The following CSNK1G3 variants were observed in gnomAD, a reference collection of about 807,000 sequenced individuals.
CSNK1G3 encodes the protein casein kinase 1 gamma 3, also known as casein kinase I isoform gamma-3.
CSNK1G3 carries 23 observed loss-of-function variants against 64.3 expected under a neutral mutation model. The ratio of observed to expected loss-of-function variants is 0.36; its 90% confidence interval spans 0.26 to 0.51. CSNK1G3 has a LOEUF of 0.51. CSNK1G3 is among the 20% of genes least tolerant of loss of function. The probability of loss-of-function intolerance (pLI) is 0.96; values close to 1 mark genes in which losing one functional copy is unlikely to be tolerated. For synonymous variants in CSNK1G3, 158 were observed against 162.2 expected, an observed-to-expected ratio of 0.97 and a Z score of 0.20; for missense variants, 357 against 510.5, an observed-to-expected ratio of 0.70 and a Z score of 2.90.
chr5:123,579,292 T>G (rs1361592579), intron 6 of CSNK1G3, among the ~76,000 whole-genome samples: 1 of 232 alleles, frequency 4.3e-3, no homozygotes, highest in Non-Finnish European at 6.9e-3. Flanking sequence ...AAATTTGCTG[T>G]TTTTTTTTTT....
intron 1 of CSNK1G3, among the ~76,000 whole-genome samples, chr5:123,539,111 G>A (rs1055788231): frequency 6.6e-6 from 1 of 152,104 alleles, no homozygotes; most frequent in African/African-American, 2.4e-5. Context: ...TGGAGTTATA[G>A]GCATGAGCCA....
chr5:123,519,763 T>C (rs1777767903), intron 1 of CSNK1G3, among the ~76,000 whole-genome samples: 1 of 152,152 alleles, frequency 6.6e-6, no homozygotes, highest in African/African-American at 2.4e-5. Flanking sequence ...GACCATAGGA[T>C]TTTAGACTTA....
At chr5:123,612,778 A>T (rs1239708143) in intron 12 of CSNK1G3, among the ~76,000 whole-genome samples, 1 of 152,128 alleles carries the variant, frequency 6.6e-6, no homozygotes. Context: ...TCCTGGCCAA[A>T]ACTATTCTTC....
rs146816021 is a variant in CSNK1G3 at position 123,612,206 on chromosome 5, G to A, written c.1218-2136G>A. On this transcript the variant is annotated intron_variant, in intron 12 of 12. Transcript: ENST00000345990. The stretch of plus-strand genomic sequence containing the variant: ...CAATTTTAAATTATTTACATTCCAC[G>A]GTCTAGTCGGTGTTTACTGTTTGGT... Among the ~76,000 whole-genome samples the A allele has an allele frequency of 4.9e-3, 738 of 152,090 alleles. 5 individuals carry two copies. The highest frequency in any genetic ancestry group is 0.027 in the Middle Eastern group (8 of 294).
intron 1 of CSNK1G3, among the ~76,000 whole-genome samples, chr5:123,534,662 T>C (rs547824986): frequency 6.6e-6 from 1 of 152,224 alleles, no homozygotes; most frequent in African/African-American, 2.4e-5. Context: ...TGCAAGCATA[T>C]GAATTCTGCC....
At chr5:123,549,336 A>G (rs1783194343) in intron 2 of CSNK1G3, among the ~76,000 whole-genome samples, 5 of 152,186 alleles carry the variant, frequency 3.3e-5, no homozygotes, top group Admixed American at 2.6e-4. Flanking sequence ...GACATCTTAA[A>G]AAACCTTTCT....
At chr5:123,522,136 G>A (rs1319150645) in intron 1 of CSNK1G3, among the ~76,000 whole-genome samples, 1 of 152,116 alleles carries the variant, frequency 6.6e-6, no homozygotes, top group East Asian at 1.9e-4. Context: ...ATATTAGCAA[G>A]AGAATCAAGT....
intron 4 of CSNK1G3, among the ~76,000 whole-genome samples, chr5:123,567,792 G>T (rs1581172604): frequency 6.6e-6 from 1 of 152,134 alleles, no homozygotes; most frequent in African/African-American, 2.4e-5. Flanking sequence ...GCAGTTGTGG[G>T]CTGTGAATTT....
intron 1 of CSNK1G3, among the ~76,000 whole-genome samples, chr5:123,543,967 G>A (rs1439646246): frequency 6.6e-6 from 1 of 152,100 alleles, no homozygotes; most frequent in African/African-American, 2.4e-5. Flanking sequence ...GGGAGCAGGG[G>A]AGCATAAAAA....
At chr5:123,530,828 C>T (rs574568702) in intron 1 of CSNK1G3, among the ~76,000 whole-genome samples, 1 of 152,212 alleles carries the variant, frequency 6.6e-6, no homozygotes, top group South Asian at 2.1e-4. Flanking sequence ...AAATTGATAT[C>T]CATTTTTGAC....
At chr5:123,580,923 G>A (rs1212168057) in intron 6 of CSNK1G3, among the ~76,000 whole-genome samples, 1 of 151,844 alleles carries the variant, frequency 6.6e-6, no homozygotes, top group Non-Finnish European at 1.5e-5. Flanking sequence ...GATGTTTCAA[G>A]CTTCTAAGTG....
At chr5:123,585,171 C>A (rs370521918) in intron 6 of CSNK1G3, among the ~76,000 whole-genome samples, 10 of 151,792 alleles carry the variant, frequency 6.6e-5, no homozygotes, top group Non-Finnish European at 4.4e-5. Context: ...ACATAGATGG[C>A]CGATTGATTT....
chr5:123,589,135 A>G (rs985122948), intron 8 of CSNK1G3, among the ~76,000 whole-genome samples: 1 of 152,164 alleles, frequency 6.6e-6, no homozygotes. Context: ...CAGCCACATT[A>G]AGTGAAAAGA....
chr5:123,542,561 C>G (rs1224732627), intron 1 of CSNK1G3, among the ~76,000 whole-genome samples: 1 of 152,076 alleles, frequency 6.6e-6, no homozygotes, highest in African/African-American at 2.4e-5. Context: ...CTTAGCTTCC[C>G]TTCATCCAAA....
At position 123,568,993 on chromosome 5, in the gene CSNK1G3, C is replaced by G. The variant is rs548376176; in HGVS notation, c.290-4400C>G. ...GACATTTAAGAATGTATTCCAGTAT[C>G]AAACAGCAATTTGCAACAATGCAAA... On this transcript the variant is annotated intron_variant, in intron 4 of 12. Coordinates refer to ENST00000345990, the Ensembl canonical transcript of CSNK1G3. 3.9e-5 allele frequency among the ~76,000 whole-genome samples: 6 copies of G among 152,272 alleles called. No individual in the cohort carries two copies. The East Asian group carries it at 1.2e-3, about 29-fold the overall frequency.
At chr5:123,565,958 G>A (rs1581162738) in intron 4 of CSNK1G3, among the ~76,000 whole-genome samples, 1 of 152,176 alleles carries the variant, frequency 6.6e-6, no homozygotes, top group Non-Finnish European at 1.5e-5. Flanking sequence ...GTAAGATTTA[G>A]AGGGGACAAC....
intron 1 of CSNK1G3, among the ~76,000 whole-genome samples, chr5:123,540,790 G>C (rs867504188): frequency 2.0e-5 from 3 of 151,974 alleles, no homozygotes; most frequent in Admixed American, 1.3e-4. Context: ...GTGCCACCAC[G>C]TCTGGCTAAT....
At chr5:123,578,530 A>G (rs7700628) in intron 6 of CSNK1G3, among the ~76,000 whole-genome samples, 35,760 of 151,786 alleles carry the variant, frequency 0.24, 4,550 homozygotes, top group African/African-American at 0.32. Context: ...TATATGCATT[A>G]TGAGTAATTT....
At chr5:123,554,990 A>C (rs1160456513) in intron 3 of CSNK1G3, among the ~76,000 whole-genome samples, 1 of 152,094 alleles carries the variant, frequency 6.6e-6, no homozygotes, top group African/African-American at 2.4e-5. Flanking sequence ...TGCCTTACTA[A>C]ACGTTTATTA....
Sources: allele counts gnomAD v4.1 joint callset (sites outside exome capture counted in the v4.1 genomes callset), GRCh38; gene constraint gnomAD v4.1.1; transcripts MANE v1.5; gene names NCBI Gene and HGNC (gene_info 2026-07-23, HGNC 2026-07-21).